Variants in TUSC3 observed in about 807,000 individuals in gnomAD.
TUSC3 encodes tumor suppressor candidate 3.
A neutral mutation model predicts 44.8 loss-of-function variants in TUSC3; 45 were observed. The ratio of observed to expected loss-of-function variants is 1.00; its 90% confidence interval spans 0.79 to 1.29. TUSC3 has a LOEUF of 1.29. Ranked by LOEUF, TUSC3 falls within the 50% of genes most tolerant of loss-of-function variation. The probability of loss-of-function intolerance (pLI) is 0.00; values close to 1 mark genes in which losing one functional copy is unlikely to be tolerated. For missense variants in TUSC3, 519 were observed against 437.9 expected (o/e 1.19, Z -1.65); for synonymous variants, 212 against 152.9 (o/e 1.39, Z -2.85).
chr8:15,459,641 T>C (rs1443624855), intron 1 of TUSC3, among the ~76,000 whole-genome samples: 2 of 152,070 alleles, frequency 1.3e-5, no homozygotes, highest in African/African-American at 2.4e-5. Context: ...TCTGCGAGTC[T>C]CCAAAATCCA....
chr8:15,538,184 A>T (rs968194408), upstream of TUSC3, among the ~76,000 whole-genome samples: 1 of 152,328 alleles, frequency 6.6e-6, no homozygotes. Context: ...ATGACCAAAT[A>T]AGGCAAACGT....
At chr8:15,777,547 C>T in the TUSC3 span, among the ~76,000 whole-genome samples, 1 of 152,116 alleles carries the variant, frequency 6.6e-6, no homozygotes, top group Admixed American at 6.6e-5. Context: ...GACAAAATCT[C>T]TGAATTGAAG....
At chr8:15,452,590 G>T (rs1240371889) in intron 1 of TUSC3, among the ~76,000 whole-genome samples, 1 of 152,204 alleles carries the variant, frequency 6.6e-6, no homozygotes, top group Non-Finnish European at 1.5e-5. Context: ...AGCAAAAAGA[G>T]AAAGCAGATA....
At position 15,507,053 on chromosome 8, in the gene TUSC3, C is replaced by T. The variant is rs10088598; in HGVS notation, n.189+23570C>T. On this transcript the variant is annotated intron_variant and non_coding_transcript_variant, in intron 2 of 5. Coordinates refer to the TUSC3 transcript ENST00000503191. The stretch of plus-strand genomic sequence containing the variant: ...TTTGGGTCTTCATTTTGAAGGCTCC[C>T]ATGTATACATATGAAATAACTTTGT... Among the ~76,000 whole-genome samples, 1,486 of 152,270 alleles carry T rather than the reference C, an allele frequency of 9.8e-3. 24 individuals carry two copies. The highest frequency in any genetic ancestry group is 0.034 in the African/African-American group (1,406 of 41,552).
rs10503550 is a variant in TUSC3 at position 15,737,951 on chromosome 8, A to C, written c.863-5587A>C. Among the ~76,000 whole-genome samples, 106 of 152,324 alleles carry C rather than the reference A, an allele frequency of 7.0e-4. No individual in the cohort carries two copies. The East Asian group carries it at 0.013, about 19-fold the overall frequency. ...CAGCCAAAAATGTTTCAGTTAATACAATGAAATTTAAGCTAAACGATTCTC... is the reference window on the plus strand; with the variant it reads ...CAGCCAAAAATGTTTCAGTTAATACCATGAAATTTAAGCTAAACGATTCTC... On this transcript the variant is annotated intron_variant, in intron 7 of 10. Coordinates refer to ENST00000503731, the MANE Select transcript of TUSC3 (RefSeq NM_006765.4).
At chr8:15,704,466 A>G (rs566398914) in intron 6 of TUSC3, among the ~76,000 whole-genome samples, 1 of 152,098 alleles carries the variant, frequency 6.6e-6, no homozygotes, top group South Asian at 2.1e-4. Flanking sequence ...CATTTGAAGG[A>G]TATCAAGCCA....
chr8:15,658,626 A>G (rs1235336807), intron 3 of TUSC3, among the ~76,000 whole-genome samples: 1 of 122,880 alleles, frequency 8.1e-6, no homozygotes, highest in Non-Finnish European at 1.7e-5. Context: ...TCGTGTATAT[A>G]TACACATATA....
chr8:15,821,378 A>C, the TUSC3 span, among the ~76,000 whole-genome samples: 2 of 46,280 alleles, frequency 4.3e-5, no homozygotes. Flanking sequence ...TTTTTTTTGG[A>C]TTGGGGAGTA....
At chr8:15,665,649 A>T (rs1320058484) in intron 5 of TUSC3, among the ~76,000 whole-genome samples, 1 of 151,342 alleles carries the variant, frequency 6.6e-6, no homozygotes, top group African/African-American at 2.4e-5. Flanking sequence ...GAAGTAATAT[A>T]TGCAAATATA....
the TUSC3 span, among the ~76,000 whole-genome samples, chr8:15,794,801 T>C: frequency 6.6e-6 from 1 of 152,134 alleles, no homozygotes; most frequent in Admixed American, 6.5e-5. Context: ...ACCTTTATTA[T>C]ACGAGACAGC....
At chr8:15,770,406 C>G (rs1002132929), downstream of TUSC3, among the ~76,000 whole-genome samples, 2 of 152,020 alleles carry the variant, frequency 1.3e-5, no homozygotes, top group African/African-American at 4.8e-5. Flanking sequence ...CGAGGCCTGT[C>G]AGGGGATCAG....
chr8:15,719,109 T>C (rs1258994021), intron 6 of TUSC3, among the ~76,000 whole-genome samples: 1 of 152,146 alleles, frequency 6.6e-6, no homozygotes, highest in Non-Finnish European at 1.5e-5. Context: ...CTATGCTTGC[T>C]TCGTTATAGT....
At chr8:15,488,278 C>A (rs1185274007) in intron 2 of TUSC3, among the ~76,000 whole-genome samples, 1 of 151,630 alleles carries the variant, frequency 6.6e-6, no homozygotes, top group Non-Finnish European at 1.5e-5. Flanking sequence ...ATCCAAATTG[C>A]TTGAGCTCAG....
At chr8:15,660,486 A>T (rs115704093) in intron 4 of TUSC3, among the ~76,000 whole-genome samples, 2,171 of 152,120 alleles carry the variant, frequency 0.014, 50 homozygotes, top group African/African-American at 0.049. Context: ...TGGAGATTTT[A>T]TGACCATTTT....
intron 1 of TUSC3, among the ~76,000 whole-genome samples, chr8:15,567,922 G>A (rs144119499): frequency 6.6e-6 from 1 of 152,144 alleles, no homozygotes; most frequent in Admixed American, 6.5e-5. Flanking sequence ...ATTGAGTAAT[G>A]TGTGGTACTC....
chr8:15,603,606 A>G (rs1260525971), intron 1 of TUSC3, among the ~76,000 whole-genome samples: 3 of 151,654 alleles, frequency 2.0e-5, no homozygotes, highest in Non-Finnish European at 4.4e-5. Flanking sequence ...AAAATATGAT[A>G]TGGTAATATT....
chr8:15,490,577 G>A (rs1224138353), intron 2 of TUSC3, among the ~76,000 whole-genome samples: 1 of 152,278 alleles, frequency 6.6e-6, no homozygotes, highest in South Asian at 2.1e-4. Flanking sequence ...GAGCTCCCAA[G>A]CCCAGCTCAG....
chr8:15,419,508 A>G (rs1474575582), intron 1 of TUSC3, among the ~76,000 whole-genome samples: 3 of 152,218 alleles, frequency 2.0e-5, no homozygotes, highest in Admixed American at 1.3e-4. Context: ...CACATGTGCC[A>G]AATTTGATGT....
chr8:15,806,659 C>T, the TUSC3 span: 5 of 1,150,718 alleles, frequency 4.3e-6, no homozygotes, highest in Non-Finnish European at 6.5e-6. Flanking sequence ...GTGAGACAAG[C>T]TGCCCAGTAG....
Sources: gnomAD v4.1 joint callset for allele counts (sites outside exome capture counted in the v4.1 genomes callset) on GRCh38, gnomAD v4.1.1 for gene constraint, MANE v1.5 for transcripts, NCBI Gene and HGNC (gene_info 2026-07-23, HGNC 2026-07-21) for gene names.